The following WDR7 variants were observed in gnomAD, a reference collection of about 807,000 sequenced individuals.
WDR7 encodes WD repeat-containing protein 7.
Under a neutral mutation model 169.4 loss-of-function variants are expected in WDR7, and 46 were observed. That is an observed-to-expected ratio of 0.27 (90% CI 0.21 to 0.35). WDR7 has a LOEUF of 0.35. Ranked by LOEUF, WDR7 falls within the 10% of genes least tolerant of loss-of-function variation. The pLI is 1.00. For synonymous variants in WDR7, 612 were observed against 666.8 expected (o/e 0.92, Z 1.27); for missense variants, 1,534 against 1,859.3 (o/e 0.83, Z 3.22).
chr18:56,865,555 A>G (rs1440595600), intron 20 of WDR7, among the ~76,000 whole-genome samples: 1 of 152,148 alleles, frequency 6.6e-6, no homozygotes, highest in Non-Finnish European at 1.5e-5. Flanking sequence ...TATAGTAGAC[A>G]ACTTACAGGA....
At chr18:56,935,746 A>G (rs753736958) in intron 22 of WDR7, 42 bp from the exon 23 acceptor site, 6 of 1,575,516 alleles carry the variant, frequency 3.8e-6, no homozygotes, top group Admixed American at 1.7e-5. Flanking sequence ...CATATTTCTA[A>G]TGCTTCTTTT....
At chr18:56,685,266 T>C (rs2025421646) in intron 5 of WDR7, among the ~76,000 whole-genome samples, 1 of 152,224 alleles carries the variant, frequency 6.6e-6, no homozygotes. Flanking sequence ...ACTGTTGTTA[T>C]TCATTTATAT....
At chr18:56,989,328 A>G (rs2047776243) in intron 26 of WDR7, among the ~76,000 whole-genome samples, 1 of 152,212 alleles carries the variant, frequency 6.6e-6, no homozygotes, top group Non-Finnish European at 1.5e-5. Context: ...AATTTTTCTC[A>G]AGCTCCTCAC....
At chr18:56,730,563 G>A (rs2430899) in intron 13 of WDR7, among the ~76,000 whole-genome samples, 14,537 of 151,960 alleles carry the variant, frequency 0.096, 852 homozygotes, top group Non-Finnish European at 0.13. Flanking sequence ...TCAGGAGATC[G>A]AGACCATCCT....
intron 20 of WDR7, among the ~76,000 whole-genome samples, chr18:56,870,356 A>G (rs1197662577): frequency 6.6e-6 from 1 of 152,166 alleles, no homozygotes; most frequent in African/African-American, 2.4e-5. Flanking sequence ...CCATACATAT[A>G]TGGAAACAAC....
intron 1 of WDR7, among the ~76,000 whole-genome samples, chr18:56,657,574 T>G (rs1305559866): frequency 6.6e-6 from 1 of 152,260 alleles, no homozygotes; most frequent in African/African-American, 2.4e-5. Flanking sequence ...CAAAATCAGC[T>G]GAGAGCTATG....
In WDR7 at chr18:56,915,524, A is replaced by G. The variant is rs111620585; in HGVS notation, c.3527-8398A>G. Among the ~76,000 whole-genome samples the G allele has an allele frequency of 1.8e-3, 267 of 152,300 alleles. 1 individual carries two copies. The highest frequency in any genetic ancestry group is 5.9e-3 in the African/African-American group (246 of 41,572). On this transcript the variant is annotated intron_variant, in intron 21 of 27. Transcript: ENST00000254442. ...AAATATGACCTTTTTCCCCTTCTTC[A>G]CTATTCAGATCCAGCAACCTGCAGT... is the stretch of plus-strand genomic sequence containing the variant.
At chr18:56,818,078 C>G (rs17090367) in intron 20 of WDR7, among the ~76,000 whole-genome samples, 13 of 152,122 alleles carry the variant, frequency 8.5e-5, no homozygotes, top group Non-Finnish European at 1.3e-4. Flanking sequence ...GTGTTTGTTC[C>G]GTTTTCACTG....
At chr18:56,699,715 C>T in intron 12 of WDR7, 2 of 523,440 alleles carry the variant, frequency 3.8e-6, no homozygotes, top group Non-Finnish European at 4.9e-6. Flanking sequence ...AGTCACACTT[C>T]ACGTTTCCTA....
chr18:56,827,463 G>T (rs371896563), intron 20 of WDR7, among the ~76,000 whole-genome samples: 3 of 152,018 alleles, frequency 2.0e-5, no homozygotes, highest in African/African-American at 7.3e-5. Flanking sequence ...GACAAATGTC[G>T]CCTGTTCTCA....
At chr18:56,765,555 T>C (rs1434484155) in intron 16 of WDR7, among the ~76,000 whole-genome samples, 2 of 152,122 alleles carry the variant, frequency 1.3e-5, no homozygotes, top group East Asian at 1.9e-4. Context: ...TTTATGCTAC[T>C]GTTGTCCTGC....
chr18:56,766,694 A>G (rs957505960), intron 16 of WDR7, among the ~76,000 whole-genome samples: 6 of 152,146 alleles, frequency 3.9e-5, no homozygotes, highest in African/African-American at 1.4e-4. Flanking sequence ...CCCAGCTGTC[A>G]TCCAATTCAC....
intron 21 of WDR7, among the ~76,000 whole-genome samples, chr18:56,902,298 T>C (rs1256575582): frequency 2.0e-5 from 3 of 152,212 alleles, no homozygotes; most frequent in East Asian, 3.8e-4. Context: ...CCAGAAATCA[T>C]AGTGCTGAGC....
intron 20 of WDR7, among the ~76,000 whole-genome samples, chr18:56,864,270 T>C (rs967894320): frequency 6.6e-6 from 1 of 151,584 alleles, no homozygotes; most frequent in Non-Finnish European, 1.5e-5. Flanking sequence ...GTTACTTAAA[T>C]ACTTCTGGGA....
chr18:56,877,933 A>G (rs1329940154), intron 20 of WDR7, among the ~76,000 whole-genome samples: 1 of 152,176 alleles, frequency 6.6e-6, no homozygotes, highest in Non-Finnish European at 1.5e-5. Flanking sequence ...TCAGTATTTT[A>G]TAAGGTTCAT....
chr18:56,908,519 A>T (rs181030145), intron 21 of WDR7, among the ~76,000 whole-genome samples: 90 of 152,328 alleles, frequency 5.9e-4, no homozygotes, highest in Admixed American at 4.9e-3. Context: ...GTGGAATATG[A>T]CATACATTAT....
chr18:56,982,740 CATT>C (rs2145834458), intron 26 of WDR7, among the ~76,000 whole-genome samples: 1 of 152,302 alleles, frequency 6.6e-6, no homozygotes, highest in Admixed American at 6.5e-5. Flanking sequence ...AATCTGCTAG[CATT>C]ATGTCCATAG....
chr18:56,961,716 C>G (rs1350447756), intron 25 of WDR7, among the ~76,000 whole-genome samples: 1 of 152,124 alleles, frequency 6.6e-6, no homozygotes, highest in South Asian at 2.1e-4. Flanking sequence ...CAATCTCTTA[C>G]AATCTTCAAA....
chr18:56,781,423 A>G (rs2044316276), intron 18 of WDR7, 110 bp from the exon 19 acceptor site: 2 of 1,184,818 alleles, frequency 1.7e-6, no homozygotes, highest in Non-Finnish European at 2.2e-6. Flanking sequence ...GTAAATAAAT[A>G]TGGTTTTTAT....
Sources: gnomAD v4.1 joint callset for allele counts (sites outside exome capture counted in the v4.1 genomes callset) on GRCh38, gnomAD v4.1.1 for gene constraint, MANE v1.5 for transcripts, NCBI Gene and HGNC (gene_info 2026-07-23, HGNC 2026-07-21) for gene names.